The following ADAMTS9 variants were observed in gnomAD, a reference collection of about 807,000 sequenced individuals.
ADAMTS9 encodes the protein ADAM metallopeptidase with thrombospondin type 1 motif 9, also known as A disintegrin and metalloproteinase with thrombospondin motifs 9.
Under a neutral mutation model 257.1 loss-of-function variants are expected in ADAMTS9, and 107 were observed. The ratio of observed to expected loss-of-function variants is 0.42; its 90% CI spans 0.36 to 0.49. The LOEUF is 0.49. Ranked by LOEUF, ADAMTS9 falls within the 20% of genes least tolerant of loss-of-function variation. ADAMTS9 has a pLI of 0.03. For synonymous variants in ADAMTS9, 982 were observed against 880.9 expected, an observed-to-expected ratio of 1.11 and a Z score of -2.03; for missense variants, 2,353 against 2,469.1, an observed-to-expected ratio of 0.95 and a Z score of 1.00.
At position 64,541,634 on chromosome 3, in the gene ADAMTS9, A is replaced by G. The variant is rs752341250; in HGVS notation, c.5198-14T>C. ...GGGGTAACTCACCTAGAAAACACCA[A>G]TCACAAAAAATAGGGTGTGATGATC... is the stretch of plus-strand genomic sequence containing the variant. On this transcript the variant is annotated splice_polypyrimidine_tract_variant and intron_variant, in intron 33 of 39. Coordinates refer to ENST00000498707, the MANE Select transcript of ADAMTS9 (RefSeq NM_182920.2). 15 of 1,602,960 alleles carry G rather than the reference A, an allele frequency of 9.4e-6. No individual in the cohort carries two copies. Among genetic ancestry groups the G allele is most frequent in the South Asian group, 3.3e-5 (3 of 90,832 alleles).
chr3:64,616,097 C>T lies in ADAMTS9; in HGVS notation c.2887G>A (p.Ala963Thr), dbSNP rs1429843681. 1.1e-5 allele frequency: 18 copies of T among 1,614,016 alleles called. No homozygotes were observed. The highest frequency in any genetic ancestry group is 2.2e-5 in the East Asian group (1 of 44,896). ...TTCCCATCCAGCCTGCTATATTTGG[C>T]ACAGTAGATGTCCAATGTGCGGTAA... ...LGYRTLDIYC[A>T]KYSRLDGKTE... The change falls in exon 20 of 40, where the codon GCC becomes ACC. Residue 963 changes from alanine (A) to threonine (T), a missense_variant. By Grantham distance (58) the Ala-to-Thr change is moderately conservative (BLOSUM62 0). Coordinates refer to ENST00000498707, the MANE Select transcript of ADAMTS9 (RefSeq NM_182920.2).
chr3:64,551,772 A>G (rs1048545101), intron 30 of ADAMTS9, among the ~76,000 whole-genome samples: 1 of 152,150 alleles, frequency 6.6e-6, no homozygotes, highest in African/African-American at 2.4e-5. Context: ...ATAACATGGA[A>G]CCAAACAAAT....
At chr3:64,608,469 G>A (rs1030319767) in intron 22 of ADAMTS9, among the ~76,000 whole-genome samples, 5 of 151,994 alleles carry the variant, frequency 3.3e-5, no homozygotes, top group Admixed American at 1.3e-4. Context: ...AAATGAAGGA[G>A]GGAACATGTC....
rs777491406 is a variant in ADAMTS9, at chr3:64,602,124, G to T, written c.3837C>A (p.Asp1279Glu). ...GGTCAGTTTCTGGGATATAATCCTGGTCACACTCACTCCGATCGATCACGT... is the reference window on the plus strand; with the variant it reads ...GGTCAGTTTCTGGGATATAATCCTGTTCACACTCACTCCGATCGATCACGT... ...SDHVIDRSEC[D>E]QDYIPETDQD... The change falls in exon 26 of 40, where the codon GAC becomes GAA. Residue 1279 changes from aspartate to glutamate, a missense_variant. Around this residue, in one of 3 missense-constraint regions of ADAMTS9, gnomAD observed 1,402 missense variants for 1,441.4 expected, o/e 0.97. Transcript: ENST00000498707. 6.2e-7 allele frequency: 1 copy of T among 1,614,090 alleles called. No individual in the cohort carries two copies. The highest frequency in any genetic ancestry group is 2.2e-5 in the East Asian group (1 of 44,834).
At chr3:64,635,904 C>T (rs182512114) in intron 12 of ADAMTS9, among the ~76,000 whole-genome samples, 1 of 152,246 alleles carries the variant, frequency 6.6e-6, no homozygotes, top group East Asian at 1.9e-4. Context: ...TGTATACCTG[C>T]TCAGGTAAAA....
intron 2 of ADAMTS9, among the ~76,000 whole-genome samples, chr3:64,682,262 G>C (rs552485225): frequency 7.2e-5 from 11 of 152,168 alleles, no homozygotes; most frequent in Non-Finnish European, 1.6e-4. Flanking sequence ...TTACTGTGCA[G>C]ATTAAATAAG....
chr3:64,680,059 A>G (rs1701715714), intron 3 of ADAMTS9, among the ~76,000 whole-genome samples: 1 of 152,196 alleles, frequency 6.6e-6, no homozygotes, highest in African/African-American at 2.4e-5. Flanking sequence ...ACACCCTTAA[A>G]TTTGGCTACT....
intron 28 of ADAMTS9, chr3:64,584,011 G>T (rs1013580445): frequency 6.6e-6 from 1 of 152,116 alleles, no homozygotes; most frequent in African/African-American, 2.4e-5. Context: ...CCCTGCGGGG[G>T]GCTCGGATAT....
In ADAMTS9 at chr3:64,655,623, C is replaced by A; in HGVS notation, c.1122G>T (p.Lys374Asn). ...LKNFCQWQHS[K>N]NSPGGIHHDT... ...CATGATGGATTCCACCTGGACTGTT[C>A]TTCGAATGCTGCCACTGGCAAAAGT... The change falls in exon 6 of 40, where the codon AAG becomes AAT. Residue 374 changes from lysine (K) to asparagine (N), a missense_variant. Physicochemically the swap from Lys to Asn is moderately conservative, Grantham distance 94. This residue lies in a region of ADAMTS9 where 591 missense variants were observed against 569.6 expected (regional missense o/e 1.04). Transcript: ENST00000498707. 6.2e-7 allele frequency: 1 copy of A among 1,614,152 alleles called. No individual in the cohort carries two copies. Among genetic ancestry groups the A allele is most frequent in the Non-Finnish European group, 8.5e-7 (1 of 1,180,014 alleles).
At chr3:64,609,024 A>C (rs951375820) in intron 22 of ADAMTS9, among the ~76,000 whole-genome samples, 6 of 151,338 alleles carry the variant, frequency 4.0e-5, no homozygotes, top group South Asian at 2.1e-4. Flanking sequence ...GGAAAAAAAA[A>C]CATGATTATC....
chr3:64,609,243 G>A (rs1312219360), intron 22 of ADAMTS9, among the ~76,000 whole-genome samples: 1 of 152,050 alleles, frequency 6.6e-6, no homozygotes, highest in Non-Finnish European at 1.5e-5. Context: ...CACCACTGCT[G>A]TTCATCATTG....
At chr3:64,600,275 T>A (rs1406350220) in intron 26 of ADAMTS9, among the ~76,000 whole-genome samples, 1 of 152,118 alleles carries the variant, frequency 6.6e-6, no homozygotes, top group Non-Finnish European at 1.5e-5. Flanking sequence ...ATGACGTACA[T>A]CCTTCATCTT....
intron 28 of ADAMTS9, among the ~76,000 whole-genome samples, chr3:64,572,893 C>T (rs1366782437): frequency 6.6e-6 from 1 of 151,892 alleles, no homozygotes; most frequent in Non-Finnish European, 1.5e-5. Context: ...TTCTAGCCAA[C>T]ATGGTGAAAC....
intron 11 of ADAMTS9, among the ~76,000 whole-genome samples, chr3:64,643,621 T>C (rs1294813370): frequency 6.6e-6 from 1 of 151,526 alleles, no homozygotes; most frequent in Non-Finnish European, 1.5e-5. Flanking sequence ...CTCAGCTAAA[T>C]TTTTTTATCT....
chr3:64,632,884 C>A (rs187385226), intron 14 of ADAMTS9, among the ~76,000 whole-genome samples: 2 of 152,022 alleles, frequency 1.3e-5, no homozygotes, highest in East Asian at 1.9e-4. Context: ...AGAGCCCAAC[C>A]GGGTTAGGAA....
chr3:64,614,008 T>C (rs372815557), intron 21 of ADAMTS9, among the ~76,000 whole-genome samples: 8 of 152,188 alleles, frequency 5.3e-5, no homozygotes, highest in African/African-American at 1.7e-4. Context: ...ATTTTATCCA[T>C]ACTTACTGTA....
chr3:64,588,447 A>G (rs2084201078), intron 28 of ADAMTS9: 1 of 151,936 alleles, frequency 6.6e-6, no homozygotes, highest in South Asian at 2.1e-4. Context: ...AACAACCCAG[A>G]GTTTTTTTAT....
Position 64,654,350 on chromosome 3 carries a change from C to T in ADAMTS9, c.1316+3G>A. On this transcript the variant is annotated splice_donor_region_variant and intron_variant, in intron 8 of 39. Transcript: ENST00000498707. ...TAAATGAAATTACTGAAAGGTAACT[C>T]ACACATGGCCCAGCTCATGGGCGAT... 6 of 1,609,560 alleles carry T rather than the reference C, an allele frequency of 3.7e-6. No homozygotes were observed. Among genetic ancestry groups the T allele is most frequent in the Non-Finnish European group, 5.1e-6 (6 of 1,178,622 alleles).
intron 12 of ADAMTS9, among the ~76,000 whole-genome samples, chr3:64,639,831 G>A (rs186712382): frequency 1.0e-3 from 155 of 152,160 alleles, no homozygotes; most frequent in African/African-American, 3.6e-3. Context: ...AGCAGTACCA[G>A]CCTTCTTTTA....
Sources: gnomAD v4.1 joint callset for allele counts (sites outside exome capture counted in the v4.1 genomes callset) on GRCh38, gnomAD v4.1.1 for gene constraint, gnomAD v4.1.1 regional missense constraint, MANE v1.5 for transcripts, NCBI Gene and HGNC (gene_info 2026-07-23, HGNC 2026-07-21) for gene names.